Variants in DDR2 observed in about 807,000 individuals in gnomAD.
The protein encoded by DDR2 is discoidin domain-containing receptor 2.
Under a neutral mutation model 94.9 loss-of-function variants are expected in DDR2, and 27 were observed. The ratio of observed to expected loss-of-function variants is 0.28; its 90% CI spans 0.21 to 0.39. DDR2 has a LOEUF of 0.39. Ranked by LOEUF, DDR2 falls within the 10% of genes least tolerant of loss-of-function variation. The pLI is 1.00. For missense variants in DDR2, 783 were observed against 1,076.0 expected (o/e 0.73, Z 3.81); for synonymous variants, 382 against 377.2 (o/e 1.01, Z -0.15).
intron 2 of DDR2, among the ~76,000 whole-genome samples, chr1:162,658,479 C>T (rs151014422): frequency 9.9e-5 from 15 of 152,218 alleles, no homozygotes; most frequent in Middle Eastern, 3.4e-3. Context: ...AGAGAATCTA[C>T]AGCTGCTGTG....
chr1:162,780,067 C>G lies in DDR2; in HGVS notation c.2434-45C>G, dbSNP rs571496873. On this transcript the variant is annotated intron_variant, in intron 17 of 17. Transcript: ENST00000367921. ...CCCTTTCCCCCGTCTTTGTAATATT[C>G]TCTCTCTCTCTCTCTTTTGTTTTCC... is the stretch of plus-strand genomic sequence containing the variant. 134 of 1,256,466 alleles carry G rather than the reference C, an allele frequency of 1.1e-4. No individual in the cohort carries two copies. In the South Asian group the frequency reaches 1.7e-3, roughly 16 times the overall value. 77.8% of individuals were successfully genotyped at this position (1,256,466 alleles called of 1,614,324 possible).
intron 14 of DDR2, among the ~76,000 whole-genome samples, chr1:162,774,469 A>C (rs1481797800): frequency 6.6e-6 from 1 of 152,234 alleles, no homozygotes; most frequent in Non-Finnish European, 1.5e-5. Flanking sequence ...AATGGACAAG[A>C]TGTAAGATAA....
intron 3 of DDR2, among the ~76,000 whole-genome samples, chr1:162,725,833 A>T (rs191598089): frequency 6.6e-6 from 1 of 152,384 alleles, no homozygotes; most frequent in Admixed American, 6.5e-5. Flanking sequence ...GTACATTTGC[A>T]AAATGAAAAA....
intron 2 of DDR2, among the ~76,000 whole-genome samples, chr1:162,656,666 G>C (rs1213396661): frequency 1.3e-5 from 2 of 151,594 alleles, no homozygotes; most frequent in African/African-American, 4.9e-5. Context: ...AGCCTTCACA[G>C]TGTATATTTT....
chr1:162,636,702 A>G (rs763482230), intron 1 of DDR2, among the ~76,000 whole-genome samples: 12 of 152,012 alleles, frequency 7.9e-5, no homozygotes, highest in Non-Finnish European at 1.6e-4. Context: ...CCTTCATTTG[A>G]GTTTAGATAA....
At chr1:162,727,557 T>A (rs934991867) in intron 3 of DDR2, among the ~76,000 whole-genome samples, 1 of 148,242 alleles carries the variant, frequency 6.7e-6, no homozygotes. Flanking sequence ...TAAAAATAAA[T>A]AAATAAATAC....
At chr1:162,664,959 A>T (rs922461616) in intron 2 of DDR2, among the ~76,000 whole-genome samples, 2 of 152,154 alleles carry the variant, frequency 1.3e-5, no homozygotes, top group African/African-American at 4.8e-5. Context: ...GGGATAAAAA[A>T]TGGTAAGTTT....
intron 2 of DDR2, among the ~76,000 whole-genome samples, chr1:162,718,786 G>A (rs1312969646): frequency 1.3e-5 from 2 of 152,118 alleles, no homozygotes; most frequent in Non-Finnish European, 2.9e-5. Context: ...TCGTGTGTCT[G>A]ACTATACTTT....
At chr1:162,666,675 A>G (rs1571168353) in intron 2 of DDR2, among the ~76,000 whole-genome samples, 2 of 152,266 alleles carry the variant, frequency 1.3e-5, no homozygotes, top group African/African-American at 4.8e-5. Flanking sequence ...GCTGGCATTT[A>G]TGTAGCACTT....
chr1:162,649,998 G>A (rs1261656781), intron 1 of DDR2, among the ~76,000 whole-genome samples: 1 of 152,192 alleles, frequency 6.6e-6, no homozygotes, highest in Non-Finnish European at 1.5e-5. Flanking sequence ...TTACCTGGAA[G>A]AAGGTAAAGG....
At chr1:162,747,271 G>A (rs1315589075) in intron 3 of DDR2, among the ~76,000 whole-genome samples, 3 of 152,026 alleles carry the variant, frequency 2.0e-5, no homozygotes, top group Admixed American at 2.0e-4. Context: ...TAAAAACCTT[G>A]AAAAAAGATT....
At chr1:162,767,911 G>A (rs1447557099) in intron 11 of DDR2, among the ~76,000 whole-genome samples, 2 of 152,022 alleles carry the variant, frequency 1.3e-5, no homozygotes, top group Non-Finnish European at 2.9e-5. Flanking sequence ...CTTGAAGGTT[G>A]TGATTATGTA....
rs181155730 is a variant in DDR2 at position 162,704,750 on chromosome 1, T to C, written c.-27-14287T>C. On this transcript the variant is annotated intron_variant, in intron 2 of 17. Transcript: ENST00000367921. ...GGCCCTACTTCCTAATACTATCACA[T>C]TGAGGGTTAGAATTTCAATATAGGA... Among the ~76,000 whole-genome samples the C allele has an allele frequency of 2.0e-5, 3 of 152,224 alleles. No homozygotes were observed. In the East Asian group the frequency reaches 5.8e-4, roughly 29 times the overall value.
At position 162,753,159 on chromosome 1, in the gene DDR2, C is replaced by G; in HGVS notation, c.147C>G (p.Ser49=). 6.2e-7 allele frequency: 1 copy of G among 1,613,672 alleles called. No individual in the cohort carries two copies. Among genetic ancestry groups the G allele is most frequent in the Middle Eastern group, 1.7e-4 (1 of 6,034 alleles). The change falls in exon 4 of 18, where the codon TCC becomes TCG. Residue 49 remains serine (S), a synonymous_variant. Coordinates refer to ENST00000367921, the MANE Select transcript of DDR2 (RefSeq NM_006182.4). ...TTCCAGATGAGGACATCACAGCTTC[C>G]AGTCAGTGGTCAGAGTCCACAGCTG... The part of the protein sequence containing the change: ...GQIPDEDITA[S]SQWSESTAAK...
chr1:162,746,432 C>T (rs960368243), intron 3 of DDR2, among the ~76,000 whole-genome samples: 6 of 152,184 alleles, frequency 3.9e-5, no homozygotes, highest in African/African-American at 1.4e-4. Context: ...GGGGCCTCTG[C>T]CATTGCTGAG....
At chr1:162,729,300 ATTTTTTTTTTT>A (rs869269032) in intron 3 of DDR2, among the ~76,000 whole-genome samples, 1 of 94,016 alleles carries the variant, frequency 1.1e-5, no homozygotes, top group Non-Finnish European at 1.8e-5. Flanking sequence ...ATATATATAT[ATTTTTTTTTTT>A]TTTTTTTTTC....
chr1:162,779,653 G>T (rs1322457592), intron 17 of DDR2, among the ~76,000 whole-genome samples: 1 of 152,142 alleles, frequency 6.6e-6, no homozygotes, highest in Non-Finnish European at 1.5e-5. Flanking sequence ...TAGCTATCTT[G>T]GTTATGAGGC....
chr1:162,727,163 CAT>C (rs1186647703), intron 3 of DDR2, among the ~76,000 whole-genome samples: 17 of 142,294 alleles, frequency 1.2e-4, no homozygotes, highest in African/African-American at 4.4e-4. Context: ...TAAATATAAA[CAT>C]ATATTTATAT....
At chr1:162,642,481 G>A (rs1191348780) in intron 1 of DDR2, among the ~76,000 whole-genome samples, 2 of 149,500 alleles carry the variant, frequency 1.3e-5, no homozygotes, top group African/African-American at 4.9e-5. Flanking sequence ...GTAGAGATGG[G>A]GTTTTTTCAT....
Sources: gnomAD v4.1 joint callset for allele counts (sites outside exome capture counted in the v4.1 genomes callset) on GRCh38, gnomAD v4.1.1 for gene constraint, MANE v1.5 for transcripts, NCBI Gene and HGNC (gene_info 2026-07-23, HGNC 2026-07-21) for gene names.